The following U2SURP variants were observed in gnomAD, a reference collection of about 807,000 sequenced individuals.
U2SURP encodes U2 snRNP associated SURP domain containing.
U2SURP carries 9 observed loss-of-function variants against 144.9 expected under a neutral mutation model. That is an observed-to-expected ratio of 0.06 (90% CI 0.04 to 0.11). The LOEUF is 0.11. Ranked by LOEUF, U2SURP falls within the 10% of genes least tolerant of loss-of-function variation. U2SURP has a pLI of 1.00. For missense variants in U2SURP, 724 were observed against 1,226.7 expected, an observed-to-expected ratio of 0.59 and a Z score of 6.12; for synonymous variants, 408 against 396.8, an observed-to-expected ratio of 1.03 and a Z score of -0.33.
rs567484875 is a variant in U2SURP at position 143,057,089 on chromosome 3, T to C, written c.*639T>C. The C allele has an allele frequency of 6.6e-6, 1 of 152,590 alleles. No individual in the cohort carries two copies. Among genetic ancestry groups the C allele is most frequent in the South Asian group, 2.1e-4 (1 of 4,832 alleles). 9.5% of individuals were successfully genotyped at this position (152,590 alleles called of 1,614,324 possible). A position where few individuals can be genotyped will look rare whatever the true frequency, so the allele number is the denominator to read the frequency against. ...ATACTAATACCCAGATATCAAAGAC[T>C]AGGTAGATATGGCATGGCGTTTTGT... On this transcript the variant is annotated 3_prime_UTR_variant, in exon 28 of 28. Transcript: ENST00000473835.
intron 1 of U2SURP, among the ~76,000 whole-genome samples, chr3:143,002,725 G>C (rs1055206733): frequency 6.6e-6 from 1 of 152,170 alleles, no homozygotes; most frequent in Non-Finnish European, 1.5e-5. Flanking sequence ...ATCATAACTC[G>C]TTTTCTACTT....
rs182106811 is a variant in U2SURP at position 143,026,231 on chromosome 3, A to G, written c.1275-918A>G. 2.0e-5 allele frequency: 3 copies of G among 152,290 alleles called. No individual in the cohort carries two copies. The East Asian group carries it at 5.8e-4, about 29-fold the overall frequency. The allele number at this position is 152,290 out of a possible 1,614,324, so 9.4% of individuals were successfully genotyped here. On this transcript the variant is annotated intron_variant, in intron 13 of 27. Transcript: ENST00000473835. ...ATGATTTTAGGACCCAGCTTCAGAT[A>G]AAGACTTCCTGTGAGTTCAGTCAAT...
chr3:143,056,703 T>C lies in U2SURP; in HGVS notation c.*253T>C. On this transcript the variant is annotated 3_prime_UTR_variant, in exon 28 of 28. Transcript: ENST00000473835. ...TTGTTCTAATGGATTTCATCAGAAA[T>C]GTGTATAATGGATCTGCTGACAGTA... is the stretch of plus-strand genomic sequence containing the variant. The C allele has an allele frequency of 2.7e-6, 1 of 371,066 alleles. No homozygotes were observed. Among genetic ancestry groups the C allele is most frequent in the Non-Finnish European group, 4.9e-6 (1 of 203,452 alleles). 23.0% of individuals were successfully genotyped at this position (371,066 alleles called of 1,614,324 possible).
intron 1 of U2SURP, among the ~76,000 whole-genome samples, chr3:143,008,075 A>G (rs1935936114): frequency 6.6e-6 from 1 of 152,266 alleles, no homozygotes; most frequent in African/African-American, 2.4e-5. Context: ...ATTGTCCTAC[A>G]CCGGTGCATT....
intron 16 of U2SURP, among the ~76,000 whole-genome samples, chr3:143,030,574 G>T (rs1404963246): frequency 6.6e-6 from 1 of 152,162 alleles, no homozygotes; most frequent in Non-Finnish European, 1.5e-5. Context: ...TTTCATGCCT[G>T]TTAACACATT....
intron 1 of U2SURP, among the ~76,000 whole-genome samples, chr3:143,005,243 G>A (rs1478387256): frequency 1.3e-5 from 2 of 150,142 alleles, no homozygotes; most frequent in African/African-American, 2.5e-5. Context: ...GTGCTGAATT[G>A]CTTTGGGAAC....
At chr3:143,014,908 A>G (rs957220310) in intron 4 of U2SURP, among the ~76,000 whole-genome samples, 2 of 152,060 alleles carry the variant, frequency 1.3e-5, no homozygotes, top group Non-Finnish European at 2.9e-5. Flanking sequence ...GCTGTTATGG[A>G]TAATGTTATG....
intron 3 of U2SURP, among the ~76,000 whole-genome samples, chr3:143,013,349 A>G (rs774634357): frequency 6.6e-6 from 1 of 152,100 alleles, no homozygotes; most frequent in East Asian, 1.9e-4. Context: ...CTGAAACCCA[A>G]TATTGACTTT....
chr3:143,055,247 ACACTTTCATTTTTGGTTATTCCTCCC>A, intron 27 of U2SURP, 128 bp downstream of exon 27: 2 of 825,252 alleles, frequency 2.4e-6, no homozygotes. Flanking sequence ...CCAAAGAGAT[ACACTTTCATTTTTGGTTATTCCTCCC>A]CACCTCCTCA....
In U2SURP at chr3:143,028,746, T is replaced by C. The variant is rs1488452481; in HGVS notation, c.1610+100T>C. The C allele has an allele frequency of 7.6e-6, 8 of 1,047,848 alleles. No individual in the cohort carries two copies. The East Asian group carries it at 2.2e-4, about 29-fold the overall frequency. The allele number at this position is 1,047,848 out of a possible 1,614,324, so 64.9% of individuals were successfully genotyped here. On this transcript the variant is annotated intron_variant, in intron 16 of 27. Coordinates refer to ENST00000473835, the MANE Select transcript of U2SURP (RefSeq NM_001080415.2). ...AGATGTTAACCCTAAAATAAATTTT[T>C]TTCACTTGTGAATGTTTAAAATAGT...
chr3:143,031,424 C>T (rs1026131154), intron 16 of U2SURP, among the ~76,000 whole-genome samples: 2 of 82,614 alleles, frequency 2.4e-5, no homozygotes, highest in African/African-American at 7.8e-5. Context: ...GCTACCACCG[C>T]CCTAACCTTC....
In U2SURP at chr3:143,003,740, G is replaced by A. The variant is rs1396548784; in HGVS notation, c.45+2067G>A. Among the ~76,000 whole-genome samples, 3 of 135,024 alleles carry A rather than the reference G, an allele frequency of 2.2e-5. No homozygotes were observed. In the East Asian group the frequency reaches 6.6e-4, roughly 30 times the overall value. The allele number at this position is 135,024 out of a possible 152,430, so 88.6% of individuals were successfully genotyped here. ...GCTCTGTCGCCCAGGCTGGAGTGCT[G>A]GAGTGCAGTGGCACAATCTCGGCTC... On this transcript the variant is annotated intron_variant, in intron 1 of 27. Transcript: ENST00000473835.
intron 16 of U2SURP, among the ~76,000 whole-genome samples, 176 bp downstream of exon 16, chr3:143,028,822 G>C (rs184747437): frequency 1.1e-4 from 17 of 152,240 alleles, no homozygotes; most frequent in Admixed American, 8.5e-4. Context: ...ACAAGTATAG[G>C]TGTGTGTCCT....
In U2SURP at chr3:143,014,379, T is replaced by C. The variant is rs202018152; in HGVS notation, c.291T>C (p.Ser97=). ...TGAGTACAGCTAAGCGAACTTTAAG[T>C]AAAAAGGAACAGGAAGAATTAAAGA... ...GKMSTAKRTL[S]KKEQEELKKK... Residue 97 remains serine (S), a synonymous_variant, in exon 4 of 28, where the codon AGT becomes AGC. Coordinates refer to ENST00000473835, the MANE Select transcript of U2SURP (RefSeq NM_001080415.2). 58 of 1,608,070 alleles carry C rather than the reference T, an allele frequency of 3.6e-5. No homozygotes were observed. The highest frequency in any genetic ancestry group is 5.1e-6 in the Non-Finnish European group (6 of 1,176,658).
In U2SURP at chr3:143,016,982, C is replaced by T. The variant is rs200232793; in HGVS notation, c.570+7C>T. ...GATAGAAACCAAAAAACCTGTAAGT[C>T]ATACTTAAGTAATTGACCATTTATG... is the stretch of plus-strand genomic sequence containing the variant. On this transcript the variant is annotated splice_region_variant and intron_variant, in intron 6 of 27. Coordinates refer to ENST00000473835, the MANE Select transcript of U2SURP (RefSeq NM_001080415.2). 1.8e-4 allele frequency: 285 copies of T among 1,569,614 alleles called. No individual in the cohort carries two copies. The highest frequency in any genetic ancestry group is 4.9e-5 in the Non-Finnish European group (57 of 1,166,158).
At chr3:143,053,136 T>G (rs1259394783) in intron 25 of U2SURP, among the ~76,000 whole-genome samples, 1 of 152,184 alleles carries the variant, frequency 6.6e-6, no homozygotes, top group South Asian at 2.1e-4. Flanking sequence ...TAAATCAATT[T>G]GTTTATAGTT....
At chr3:143,034,016 A>G (rs35213512) in intron 18 of U2SURP, among the ~76,000 whole-genome samples, 3,752 of 152,270 alleles carry the variant, frequency 0.025, 64 homozygotes, top group Non-Finnish European at 0.042. Flanking sequence ...TTAACTATAG[A>G]ATCTGTGTTC....
intron 12 of U2SURP, 92 bp from the exon 13 acceptor site, chr3:143,023,883 G>C (rs1359495144): frequency 2.5e-6 from 3 of 1,191,710 alleles, no homozygotes; most frequent in Admixed American, 1.8e-5. Flanking sequence ...TAGATATGTA[G>C]TATTTTCAAT....
At position 143,057,405 on chromosome 3, in the gene U2SURP, C is replaced by CCA. The variant is rs970536507; in HGVS notation, c.*956_*957insAC. 4 of 151,270 alleles carry CCA rather than the reference C, an allele frequency of 2.6e-5. No individual in the cohort carries two copies. Among genetic ancestry groups the CCA allele is most frequent in the African/African-American group, 7.3e-5 (3 of 41,038 alleles). 9.4% of individuals were successfully genotyped at this position (151,270 alleles called of 1,614,324 possible). ...GTTTAAACAGCTTAGTTGGTCCCCCCCCACTCCCAAGAGACTTGGGTTTAG... is the reference window on the plus strand; with the variant it reads ...GTTTAAACAGCTTAGTTGGTCCCCCCCACCACTCCCAAGAGACTTGGGTTTAG... On this transcript the variant is annotated 3_prime_UTR_variant, in exon 28 of 28. Coordinates refer to ENST00000473835, the MANE Select transcript of U2SURP (RefSeq NM_001080415.2).
Sources: allele counts gnomAD v4.1 joint callset (sites outside exome capture counted in the v4.1 genomes callset), GRCh38; gene constraint gnomAD v4.1.1; transcripts MANE v1.5; gene names NCBI Gene and HGNC (gene_info 2026-07-23, HGNC 2026-07-21).